The following DYNC2H1 variants were observed in gnomAD, a reference collection of about 807,000 sequenced individuals.
The protein encoded by DYNC2H1 is dynein cytoplasmic 2 heavy chain 1.
A neutral mutation model predicts 570.0 loss-of-function variants in DYNC2H1; 410 were observed. The observed-to-expected ratio is 0.72, with a 90% CI of 0.66 to 0.78. The LOEUF (loss-of-function observed/expected upper bound fraction) is 0.78, where lower values mean the gene tolerates loss of function less well. Ranked by LOEUF, DYNC2H1 falls within the 30% of genes least tolerant of loss-of-function variation. The probability of loss-of-function intolerance (pLI) is 0.00; values close to 1 mark genes in which losing one functional copy is unlikely to be tolerated. For missense variants in DYNC2H1, 4,865 were observed against 5,046.4 expected (o/e 0.96, Z 1.09); for synonymous variants, 1,688 against 1,677.6 (o/e 1.01, Z -0.15).
intron 65 of DYNC2H1, among the ~76,000 whole-genome samples, chr11:103,246,971 T>C (rs1864641306): frequency 6.6e-6 from 1 of 151,968 alleles, no homozygotes; most frequent in Admixed American, 6.6e-5. Context: ...GTATACTTCT[T>C]CAAATTCTCT....
intron 85 of DYNC2H1, among the ~76,000 whole-genome samples, chr11:103,437,952 CAT>C: frequency 6.6e-6 from 1 of 152,034 alleles, no homozygotes; most frequent in Non-Finnish European, 1.5e-5. Context: ...CATGGTTATT[CAT>C]ATATTAATAA....
chr11:103,177,827 C>T lies in DYNC2H1; in HGVS notation c.6139+7C>T, dbSNP rs200749262. 1.2e-4 allele frequency: 198 copies of T among 1,604,856 alleles called. No homozygotes were observed. Among genetic ancestry groups the T allele is most frequent in the Admixed American group, 6.6e-4 (38 of 57,426 alleles). ...GTGGTTCGGGAACCTCAAGGTTAGT[C>T]TCTATGTATACTTCTTTGCTTTACT... On this transcript the variant is annotated splice_region_variant and intron_variant, in intron 38 of 88. Coordinates refer to ENST00000375735, the MANE Select transcript of DYNC2H1 (RefSeq NM_001377.3). This position sits in a 1 kb window ranked among gnomAD's most constrained non-coding sequence, Gnocchi z 4.4.
At chr11:103,421,949 T>A in intron 84 of DYNC2H1, among the ~76,000 whole-genome samples, 1 of 148,544 alleles carries the variant, frequency 6.7e-6, no homozygotes, top group African/African-American at 2.5e-5. Flanking sequence ...CTAGCTAGAA[T>A]AATAAAGAAG....
chr11:103,133,442 C>A lies in DYNC2H1; in HGVS notation c.1954-113C>A. On this transcript the variant is annotated intron_variant, in intron 13 of 88. Coordinates refer to ENST00000375735, the MANE Select transcript of DYNC2H1 (RefSeq NM_001377.3). This position sits in a 1 kb window ranked among gnomAD's most constrained non-coding sequence, Gnocchi z 4.8. ...TTATAAAATGGAAAATTATTATGTG[C>A]TTTCTTTGTTGCAGGTCAGAGTTGG... is the stretch of plus-strand genomic sequence containing the variant. 1.1e-6 allele frequency: 1 copy of A among 935,208 alleles called. No individual in the cohort carries two copies. The highest frequency in any genetic ancestry group is 2.8e-5 in the East Asian group (1 of 35,192). The allele number at this position is 935,208 out of a possible 1,614,324, so 57.9% of individuals were successfully genotyped here.
chr11:103,468,709 A>AAAATG lies in DYNC2H1; in HGVS notation c.12765+4_12765+5insAAATG. The stretch of plus-strand genomic sequence containing the variant: ...TTTTATGGGCTGGATTCCACAGGTA[A>AAAATG]TACATTTTTAACAAGCACAAGTTTT... On this transcript the variant is annotated splice_donor_region_variant and intron_variant, in intron 88 of 88. Coordinates refer to ENST00000375735, the MANE Select transcript of DYNC2H1 (RefSeq NM_001377.3). 1.3e-6 allele frequency: 2 copies of AAAATG among 1,594,770 alleles called. No individual in the cohort carries two copies. The highest frequency in any genetic ancestry group is 1.7e-6 in the Non-Finnish European group (2 of 1,164,626).
intron 86 of DYNC2H1, among the ~76,000 whole-genome samples, 176 bp downstream of exon 86, chr11:103,455,471 ATTGCTTTT>A (rs1368755021): frequency 2.0e-5 from 3 of 152,168 alleles, no homozygotes; most frequent in Admixed American, 6.5e-5. Context: ...CTTAAAAAGC[ATTGCTTTT>A]AATGATGATA....
At chr11:103,231,904 C>T (rs1006573033) in intron 60 of DYNC2H1, among the ~76,000 whole-genome samples, 1 of 151,812 alleles carries the variant, frequency 6.6e-6, no homozygotes, top group African/African-American at 2.4e-5. Flanking sequence ...TCTTCAGTTT[C>T]TCTTTCTGTC....
intron 78 of DYNC2H1, among the ~76,000 whole-genome samples, chr11:103,310,742 T>C (rs1247151907): frequency 7.0e-6 from 1 of 141,862 alleles, no homozygotes; most frequent in Non-Finnish European, 1.5e-5. Context: ...AGAACAGTGG[T>C]GTAATCTTTG....
intron 83 of DYNC2H1, among the ~76,000 whole-genome samples, chr11:103,391,230 G>C (rs1046713248): frequency 6.6e-6 from 1 of 151,852 alleles, no homozygotes; most frequent in African/African-American, 2.4e-5. Flanking sequence ...TTCTCTTCTC[G>C]CTTCATTTCA....
intron 55 of DYNC2H1, among the ~76,000 whole-genome samples, chr11:103,217,130 T>G (rs2135139439): frequency 6.6e-6 from 1 of 152,312 alleles, no homozygotes. Context: ...GAAAATTAAC[T>G]TTAATATTCA....
At chr11:103,308,590 T>C (rs1867413053) in intron 78 of DYNC2H1, among the ~76,000 whole-genome samples, 1 of 152,182 alleles carries the variant, frequency 6.6e-6, no homozygotes, top group Non-Finnish European at 1.5e-5. Flanking sequence ...TTTTTCATAG[T>C]GGCTACATCG....
intron 82 of DYNC2H1, among the ~76,000 whole-genome samples, chr11:103,348,625 AG>A (rs1193482076): frequency 6.6e-6 from 1 of 152,174 alleles, no homozygotes; most frequent in African/African-American, 2.4e-5. Context: ...TATGTATATT[AG>A]GAGCTTTTCC....
chr11:103,372,357 A>G (rs1941202060), intron 83 of DYNC2H1, among the ~76,000 whole-genome samples: 1 of 152,094 alleles, frequency 6.6e-6, no homozygotes, highest in Non-Finnish European at 1.5e-5. Context: ...GTATGATGTT[A>G]TCTGTGCATT....
intron 84 of DYNC2H1, among the ~76,000 whole-genome samples, chr11:103,419,270 G>A (rs1398895459): frequency 6.6e-6 from 1 of 152,148 alleles, no homozygotes; most frequent in African/African-American, 2.4e-5. Context: ...CAGCACACTT[G>A]CTCTACAAAA....
chr11:103,153,594 T>G, intron 22 of DYNC2H1, 86 bp downstream of exon 22: 1 of 1,180,978 alleles, frequency 8.5e-7, no homozygotes, highest in Non-Finnish European at 1.2e-6. Context: ...GTCTGTTATC[T>G]TGATAACTTT....
chr11:103,284,086 T>A (rs1328439071), intron 73 of DYNC2H1, among the ~76,000 whole-genome samples: 2 of 152,164 alleles, frequency 1.3e-5, no homozygotes, highest in African/African-American at 2.4e-5. Context: ...ACCCTTGAAA[T>A]CTAATCAGAT....
intron 24 of DYNC2H1, 134 bp downstream of exon 24, chr11:103,154,943 T>G: frequency 1.5e-6 from 1 of 686,618 alleles, no homozygotes; most frequent in Non-Finnish European, 2.2e-6. Context: ...AAATAGGAAA[T>G]ACAGAGTAAA....
chr11:103,307,825 A>G lies in DYNC2H1; in HGVS notation c.11487A>G (p.Thr3829=), dbSNP rs1867368756. 1 of 1,574,126 alleles carries G rather than the reference A, an allele frequency of 6.4e-7. No homozygotes were observed. Residue 3829 remains threonine, a synonymous_variant, in exon 78 of 89, where the codon ACA becomes ACG. Transcript: ENST00000375735. ...TACTACAGTCAAGTCTGAAGATAAC[A>G]TATGAGGTAAGAAGATTTAAAACTT... ...PILLQSSLKI[T]YESPPGLKKN...
intron 46 of DYNC2H1, 137 bp from the exon 47 acceptor site, chr11:103,191,960 A>G: frequency 1.6e-6 from 1 of 616,800 alleles, no homozygotes; most frequent in Non-Finnish European, 2.5e-6. Context: ...ATGAATTTTA[A>G]CTTTTTTTCC....
Sources: allele counts gnomAD v4.1 joint callset (sites outside exome capture counted in the v4.1 genomes callset), GRCh38; gene constraint gnomAD v4.1.1; non-coding constraint Gnocchi (gnomAD v3.1); transcripts MANE v1.5; gene names NCBI Gene and HGNC (gene_info 2026-07-23, HGNC 2026-07-21).